Variants in EPHA6 observed in about 807,000 individuals in gnomAD.
EPHA6 encodes the protein EPH receptor A6.
Under a neutral mutation model 112.0 loss-of-function variants are expected in EPHA6, and 50 were observed. The ratio of observed to expected loss-of-function variants is 0.45; its 90% confidence interval spans 0.36 to 0.56. The LOEUF (loss-of-function observed/expected upper bound fraction) is 0.56, where lower values mean the gene tolerates loss of function less well. EPHA6 is among the 20% of genes least tolerant of loss of function. The pLI, the probability that EPHA6 is intolerant of heterozygous loss-of-function variation, is 0.00. For missense variants in EPHA6, 1,280 were observed against 1,417.4 expected, an observed-to-expected ratio of 0.90 and a Z score of 1.56; for synonymous variants, 529 against 490.7, an observed-to-expected ratio of 1.08 and a Z score of -1.03.
chr3:96,815,005 C>T lies in EPHA6; in HGVS notation c.382C>T (p.Gln128Ter). Residue 128 changes from glutamine to a stop codon, truncating the protein, a stop_gained, in exon 1 of 18, where the codon CAA becomes TAA. Coordinates refer to ENST00000389672, the MANE Select transcript of EPHA6 (RefSeq NM_001080448.3). LOFTEE classifies it high-confidence loss of function. ...PGDCSHVSNNQVVLLDTTTVL... is the reference protein window; with the variant it reads ...PGDCSHVSNN ...CGACTGCAGTCACGTCTCCAACAACCAAGGTAAGGGACGGGGCGGAGGAGC... is the reference window on the plus strand; with the variant it reads ...CGACTGCAGTCACGTCTCCAACAACTAAGGTAAGGGACGGGGCGGAGGAGC... The T allele has an allele frequency of 6.6e-7, 1 of 1,515,626 alleles. No homozygotes were observed. The highest frequency in any genetic ancestry group is 1.3e-5 in the South Asian group (1 of 78,988). The allele number at this position is 1,515,626 out of a possible 1,614,324, so 93.9% of individuals were successfully genotyped here.
chr3:97,375,275 C>T (rs191930886), intron 5 of EPHA6, among the ~76,000 whole-genome samples: 4 of 152,162 alleles, frequency 2.6e-5, no homozygotes. Flanking sequence ...AAAAACACTC[C>T]CTCCTACTTC....
At chr3:97,449,663 G>T (rs2090462281) in intron 7 of EPHA6, among the ~76,000 whole-genome samples, 2 of 151,954 alleles carry the variant, frequency 1.3e-5, no homozygotes, top group Non-Finnish European at 2.9e-5. Context: ...GAAACCTAAA[G>T]GAGTTGAACA....
chr3:97,159,610 G>A (rs2076367041), intron 3 of EPHA6, among the ~76,000 whole-genome samples: 1 of 152,046 alleles, frequency 6.6e-6, no homozygotes, highest in African/African-American at 2.4e-5. Flanking sequence ...CCCCAACCCT[G>A]TAAGATATTG....
chr3:97,599,196 T>C (rs1484677095), intron 12 of EPHA6, among the ~76,000 whole-genome samples: 1 of 150,534 alleles, frequency 6.6e-6, no homozygotes, highest in Non-Finnish European at 1.5e-5. Context: ...GTTGCGAAAA[T>C]TTTCTCCCAT....
rs762937137 is a variant in EPHA6 at position 96,987,575 on chromosome 3, T to G, written c.696T>G (p.Ile232Met). The stretch of plus-strand genomic sequence containing the variant: ...TGGAATCAGATGAGTCCCACGGAAT[T>G]AAATTCAAGCCAAACCAGTATACAA... Reference protein sequence around the residue: ...FYMESDESHGIKFKPNQYTKI... With the variant: ...FYMESDESHGMKFKPNQYTKI... The change falls in exon 3 of 18, where the codon ATT becomes ATG. Residue 232 changes from isoleucine to methionine, a missense_variant. Ile to Met is a conservative substitution (Grantham distance 10). Coordinates refer to ENST00000389672, the MANE Select transcript of EPHA6 (RefSeq NM_001080448.3). 1.2e-6 allele frequency: 2 copies of G among 1,613,924 alleles called. No individual in the cohort carries two copies. The highest frequency in any genetic ancestry group is 2.2e-5 in the South Asian group (2 of 91,088).
chr3:97,520,184 G>A (rs1227295951), intron 10 of EPHA6, among the ~76,000 whole-genome samples: 1 of 152,014 alleles, frequency 6.6e-6, no homozygotes, highest in Non-Finnish European at 1.5e-5. Context: ...AGCCAGGATG[G>A]TCTCGATCTC....
chr3:96,905,013 G>A (rs2038853288), intron 2 of EPHA6, among the ~76,000 whole-genome samples: 1 of 152,066 alleles, frequency 6.6e-6, no homozygotes, highest in African/African-American at 2.4e-5. Flanking sequence ...AACAATGGTA[G>A]CCATATATTC....
chr3:96,984,428 G>A (rs111963639), intron 2 of EPHA6, among the ~76,000 whole-genome samples: 3,452 of 152,214 alleles, frequency 0.023, 124 homozygotes, highest in African/African-American at 0.072. Context: ...CATCTCTGAG[G>A]GGTACCTGGC....
chr3:97,340,186 TA>T (rs2083237890), intron 5 of EPHA6, among the ~76,000 whole-genome samples: 1 of 152,162 alleles, frequency 6.6e-6, no homozygotes. Flanking sequence ...TTTCCAATGG[TA>T]AAAAATATTT....
At chr3:97,043,057 T>C (rs1008370102) in intron 3 of EPHA6, among the ~76,000 whole-genome samples, 2 of 152,174 alleles carry the variant, frequency 1.3e-5, no homozygotes, top group African/African-American at 4.8e-5. Context: ...TCTGATCTTG[T>C]ATTTTATCTT....
chr3:97,044,130 T>G, intron 3 of EPHA6, among the ~76,000 whole-genome samples: 1 of 152,206 alleles, frequency 6.6e-6, no homozygotes, highest in Non-Finnish European at 1.5e-5. Context: ...TGCTCAGGCT[T>G]TCTACATGTG....
intron 6 of EPHA6, among the ~76,000 whole-genome samples, chr3:97,440,284 A>G (rs900886991): frequency 2.0e-5 from 3 of 152,110 alleles, no homozygotes; most frequent in African/African-American, 7.2e-5. Context: ...AATCTGTTGG[A>G]AATATAAGGC....
chr3:97,607,234 C>G (rs1451488664), intron 12 of EPHA6, among the ~76,000 whole-genome samples: 1 of 148,072 alleles, frequency 6.8e-6, no homozygotes, highest in African/African-American at 2.5e-5. Flanking sequence ...ATACTTTAAC[C>G]AGGGTATCTA....
intron 3 of EPHA6, among the ~76,000 whole-genome samples, chr3:97,185,231 A>G (rs1576639129): frequency 6.6e-6 from 1 of 152,194 alleles, no homozygotes; most frequent in South Asian, 2.1e-4. Context: ...TAATTAAACT[A>G]AAGAGCTTCT....
Position 97,319,573 on chromosome 3 carries a change from G to A in EPHA6, c.1606+75286G>A, listed in dbSNP as rs150084687. Among the ~76,000 whole-genome samples the A allele has an allele frequency of 4.6e-5, 7 of 151,188 alleles. No individual in the cohort carries two copies. The East Asian group carries it at 1.4e-3, about 30-fold the overall frequency. ...TAATCCCAACTACTTGGAAGGCTGA[G>A]GCAGGAGAGTCGCTTGAACCCAGGA... On this transcript the variant is annotated intron_variant, in intron 5 of 17. Coordinates refer to ENST00000389672, the MANE Select transcript of EPHA6 (RefSeq NM_001080448.3).
At chr3:97,361,272 A>G (rs1351421735) in intron 5 of EPHA6, among the ~76,000 whole-genome samples, 1 of 152,160 alleles carries the variant, frequency 6.6e-6, no homozygotes, top group African/African-American at 2.4e-5. Context: ...GCTAGGCTCT[A>G]ATAGCATCCC....
intron 5 of EPHA6, among the ~76,000 whole-genome samples, chr3:97,315,736 A>G (rs1289592055): frequency 6.6e-6 from 1 of 151,768 alleles, no homozygotes; most frequent in Non-Finnish European, 1.5e-5. Context: ...ATATAATTAC[A>G]CCATTTAATT....
chr3:97,386,212 G>A lies in EPHA6; in HGVS notation c.1607-18938G>A, dbSNP rs574063665. Among the ~76,000 whole-genome samples the A allele has an allele frequency of 2.0e-5, 3 of 152,166 alleles. No homozygotes were observed. The South Asian group carries it at 6.2e-4, about 32-fold the overall frequency. On this transcript the variant is annotated intron_variant, in intron 5 of 17. Transcript: ENST00000389672. ...AGTCTTAGTTACTTTCCAGAACTGT[G>A]AGCTGATTAAACCTTAGTTACTTTC...
intron 11 of EPHA6, among the ~76,000 whole-genome samples, chr3:97,554,723 C>A (rs2093078297): frequency 6.6e-6 from 1 of 151,940 alleles, no homozygotes; most frequent in Admixed American, 6.6e-5. Context: ...ACATTAAGAA[C>A]AGTTCCTTGT....
Sources: allele counts gnomAD v4.1 joint callset (sites outside exome capture counted in the v4.1 genomes callset), GRCh38; gene constraint gnomAD v4.1.1; transcripts MANE v1.5; gene names NCBI Gene and HGNC (gene_info 2026-07-23, HGNC 2026-07-21).